SRBD1: variants seen among roughly 807,000 people sequenced by gnomAD.
SRBD1 encodes the protein S1 RNA binding domain 1.
SRBD1 carries 88 observed loss-of-function variants against 115.3 expected under a neutral mutation model. The ratio of observed to expected loss-of-function variants is 0.76; its 90% CI spans 0.64 to 0.91. The LOEUF (loss-of-function observed/expected upper bound fraction) is 0.91. SRBD1 is among the 40% of genes least tolerant of loss of function. The probability of loss-of-function intolerance (pLI) is 0.00; values close to 1 mark genes in which losing one functional copy is unlikely to be tolerated. For missense variants in SRBD1, 1,385 were observed against 1,177.4 expected (o/e 1.18, Z -2.58); for synonymous variants, 509 against 407.7 (o/e 1.25, Z -2.99).
intron 16 of SRBD1, among the ~76,000 whole-genome samples, chr2:45,420,824 T>G (rs1389624686): frequency 1.3e-5 from 2 of 152,250 alleles, no homozygotes; most frequent in Non-Finnish European, 2.9e-5. Context: ...CTTAGAAGCT[T>G]TGATGATAGT....
At chr2:45,454,722 G>A (rs1292640527) in intron 16 of SRBD1, among the ~76,000 whole-genome samples, 2 of 151,760 alleles carry the variant, frequency 1.3e-5, no homozygotes, top group Non-Finnish European at 2.9e-5. Context: ...ACGAACATTT[G>A]TTTGTCTACT....
At chr2:45,503,520 C>T (rs1670702023) in intron 14 of SRBD1, among the ~76,000 whole-genome samples, 1 of 152,234 alleles carries the variant, frequency 6.6e-6, no homozygotes, top group Non-Finnish European at 1.5e-5. Flanking sequence ...TTTATCTTGG[C>T]ATTTTTGTCT....
At chr2:45,393,742 GCTATCTGTTCC>G (rs1667070621) in intron 19 of SRBD1, among the ~76,000 whole-genome samples, 2 of 152,120 alleles carry the variant, frequency 1.3e-5, no homozygotes. Flanking sequence ...TAAAAATGAG[GCTATCTGTTCC>G]CTACAATTTC....
chr2:45,429,363 A>G (rs1227304414), intron 16 of SRBD1, among the ~76,000 whole-genome samples: 1 of 152,204 alleles, frequency 6.6e-6, no homozygotes, highest in African/African-American at 2.4e-5. Flanking sequence ...TCAGGCCAAT[A>G]TTCCTGATGA....
At chr2:45,538,629 A>G (rs1202974852) in intron 14 of SRBD1, among the ~76,000 whole-genome samples, 3 of 152,246 alleles carry the variant, frequency 2.0e-5, no homozygotes, top group Non-Finnish European at 4.4e-5. Context: ...CCATTATTTC[A>G]GCCAGGAACG....
chr2:45,542,380 G>T (rs962646292), intron 14 of SRBD1, among the ~76,000 whole-genome samples: 1 of 152,210 alleles, frequency 6.6e-6, no homozygotes, highest in Admixed American at 6.5e-5. Flanking sequence ...GAGAGTGCAG[G>T]GATGCCCAGG....
At chr2:45,440,444 C>T (rs796867260) in intron 16 of SRBD1, among the ~76,000 whole-genome samples, 12 of 152,238 alleles carry the variant, frequency 7.9e-5, no homozygotes, top group African/African-American at 2.9e-4. Flanking sequence ...CAAACCAGTA[C>T]CTTGCACTAT....
At chr2:45,455,533 T>C (rs1231121167) in intron 16 of SRBD1, among the ~76,000 whole-genome samples, 2 of 151,838 alleles carry the variant, frequency 1.3e-5, no homozygotes, top group Non-Finnish European at 2.9e-5. Context: ...TCTTTTCATT[T>C]TGTCTGATGA....
chr2:45,580,131 C>T (rs995410223), intron 6 of SRBD1, 118 bp from the exon 7 acceptor site: 34 of 842,296 alleles, frequency 4.0e-5, no homozygotes, highest in Middle Eastern at 7.4e-4. Context: ...TCAATCTTTT[C>T]CTCTTCCTTC....
intron 4 of SRBD1, among the ~76,000 whole-genome samples, chr2:45,594,394 AG>A (rs1673826927): frequency 6.6e-6 from 1 of 152,240 alleles, no homozygotes; most frequent in Non-Finnish European, 1.5e-5. Context: ...CACTCCCGAA[AG>A]AAACTGGACA....
chr2:45,518,355 C>G (rs17033779), intron 14 of SRBD1, among the ~76,000 whole-genome samples: 12,054 of 152,188 alleles, frequency 0.079, 658 homozygotes, highest in African/African-American at 0.14. Context: ...CTATACCTAC[C>G]TTCTAATTTA....
intron 4 of SRBD1, among the ~76,000 whole-genome samples, chr2:45,590,488 G>A (rs532794400): frequency 2.6e-5 from 4 of 152,280 alleles, no homozygotes; most frequent in East Asian, 1.9e-4. Flanking sequence ...TAATCCCCAC[G>A]TGTCAAGGGC....
intron 16 of SRBD1, among the ~76,000 whole-genome samples, chr2:45,474,244 T>G (rs888775628): frequency 2.2e-4 from 33 of 152,256 alleles, no homozygotes; most frequent in Admixed American, 1.3e-4. Context: ...TTTTGTTTAT[T>G]AAGTTTGGTG....
chr2:45,500,686 G>C (rs2103892080), intron 14 of SRBD1, among the ~76,000 whole-genome samples: 1 of 152,260 alleles, frequency 6.6e-6, no homozygotes, highest in African/African-American at 2.4e-5. Context: ...AAAGTGCTGG[G>C]ATTACAGGTG....
chr2:45,527,244 A>T (rs2103971851), intron 14 of SRBD1, among the ~76,000 whole-genome samples: 1 of 152,048 alleles, frequency 6.6e-6, no homozygotes, highest in Admixed American at 6.6e-5. Context: ...AACATGGGCA[A>T]ATCAGTGAAC....
chr2:45,414,810 A>ACACATAGTGTGTATATAGTATGTACACT (rs1667749178), intron 18 of SRBD1, among the ~76,000 whole-genome samples: 1 of 141,070 alleles, frequency 7.1e-6, no homozygotes, highest in African/African-American at 2.8e-5. Flanking sequence ...GTATGTACAC[A>ACACATAGTGTGTATATAGTATGTACACT]CACATATAGT....
intron 19 of SRBD1, among the ~76,000 whole-genome samples, chr2:45,410,237 A>AC (rs1270623154): frequency 1.3e-5 from 2 of 152,196 alleles, no homozygotes; most frequent in Non-Finnish European, 2.9e-5. Context: ...AACCATCACC[A>AC]CCTAATGTCA....
intron 5 of SRBD1, among the ~76,000 whole-genome samples, chr2:45,584,147 G>A (rs1395573012): frequency 6.6e-6 from 1 of 152,190 alleles, no homozygotes; most frequent in Non-Finnish European, 1.5e-5. Flanking sequence ...GTGGTCAAGA[G>A]TGGTTTTGTT....
intron 19 of SRBD1, among the ~76,000 whole-genome samples, chr2:45,410,880 C>A (rs566989094): frequency 6.6e-6 from 1 of 152,294 alleles, no homozygotes; most frequent in Non-Finnish European, 1.5e-5. Context: ...AGTTCCATAT[C>A]CTTTCCCCCA....
Sources: allele counts gnomAD v4.1 joint callset (sites outside exome capture counted in the v4.1 genomes callset), GRCh38; gene constraint gnomAD v4.1.1; transcripts MANE v1.5; gene names NCBI Gene and HGNC (gene_info 2026-07-23, HGNC 2026-07-21).